The following MTUS2 variants were observed in gnomAD, a reference collection of about 807,000 sequenced individuals.
The protein encoded by MTUS2 is microtubule associated scaffold protein 2, also known as microtubule-associated tumor suppressor candidate 2.
In MTUS2, 40 loss-of-function variants were observed where a neutral mutation model predicts 114.1. The observed-to-expected ratio is 0.35, with a 90% CI of 0.27 to 0.46. The LOEUF is 0.46. Ranked by LOEUF, MTUS2 falls within the 20% of genes least tolerant of loss-of-function variation. The pLI, the probability that MTUS2 is intolerant of heterozygous loss-of-function variation, is 1.00. For synonymous variants in MTUS2, 688 were observed against 672.0 expected (o/e 1.02, Z -0.37); for missense variants, 1,679 against 1,705.4 (o/e 0.98, Z 0.27).
At chr13:29,411,024 G>A (rs1875193723) in intron 8 of MTUS2, among the ~76,000 whole-genome samples, 1 of 152,040 alleles carries the variant, frequency 6.6e-6, no homozygotes, top group Non-Finnish European at 1.5e-5. Context: ...TAGAGGTGGG[G>A]TTTCGCCATG....
chr13:29,422,572 TC>T (rs1441592940), intron 8 of MTUS2, among the ~76,000 whole-genome samples: 2 of 151,188 alleles, frequency 1.3e-5, no homozygotes, highest in African/African-American at 4.9e-5. Context: ...GGAGTAAAAA[TC>T]ACCGCAAACT....
chr13:29,376,059 GTA>G (rs762463451), intron 8 of MTUS2, among the ~76,000 whole-genome samples: 81 of 143,008 alleles, frequency 5.7e-4, no homozygotes, highest in East Asian at 2.8e-3. Flanking sequence ...GTGTGTGTGT[GTA>G]TATATATTTA....
chr13:29,414,902 A>C (rs542627644), intron 8 of MTUS2, among the ~76,000 whole-genome samples: 1 of 150,240 alleles, frequency 6.7e-6, no homozygotes, highest in South Asian at 2.1e-4. Context: ...ACTTTTTTAT[A>C]TTTTACTTAT....
intron 5 of MTUS2, among the ~76,000 whole-genome samples, chr13:29,126,052 A>G (rs1387063541): frequency 6.6e-6 from 1 of 151,958 alleles, no homozygotes; most frequent in African/African-American, 2.4e-5. Context: ...TTAACAGACT[A>G]TCTGGAGTAG....
intron 5 of MTUS2, among the ~76,000 whole-genome samples, chr13:29,238,911 C>A (rs1473092973): frequency 6.6e-6 from 1 of 152,126 alleles, no homozygotes; most frequent in Non-Finnish European, 1.5e-5. Flanking sequence ...AAGTCAAACT[C>A]ATGGAAGCAG....
intron 2 of MTUS2, among the ~76,000 whole-genome samples, chr13:28,904,998 T>C (rs991468404): frequency 4.0e-5 from 6 of 151,566 alleles, no homozygotes; most frequent in African/African-American, 1.2e-4. Context: ...TCGTAGGTAT[T>C]TTATTCTCTT....
At chr13:29,409,923 G>GA (rs1875097007) in intron 8 of MTUS2, among the ~76,000 whole-genome samples, 1 of 151,710 alleles carries the variant, frequency 6.6e-6, no homozygotes, top group Non-Finnish European at 1.5e-5. Flanking sequence ...ATGCTATAAT[G>GA]AATGACCTTG....
chr13:29,466,729 T>G (rs1350266308), intron 9 of MTUS2, among the ~76,000 whole-genome samples: 1 of 151,546 alleles, frequency 6.6e-6, no homozygotes, highest in African/African-American at 2.4e-5. Context: ...TACAAAAAAT[T>G]AGCCAGGTGT....
chr13:29,281,402 CATGT>C (rs931406993), intron 5 of MTUS2, among the ~76,000 whole-genome samples: 7 of 146,132 alleles, frequency 4.8e-5, no homozygotes, highest in Admixed American at 6.8e-5. Context: ...TGTGTGTGTG[CATGT>C]ATGTATGTAT....
intron 8 of MTUS2, among the ~76,000 whole-genome samples, chr13:29,420,006 C>G (rs890035305): frequency 3.9e-5 from 6 of 152,222 alleles, no homozygotes; most frequent in African/African-American, 1.4e-4. Context: ...TATCAGTGCT[C>G]TCTTTTCTAC....
intron 8 of MTUS2, among the ~76,000 whole-genome samples, chr13:29,359,997 A>G (rs535345413): frequency 6.6e-6 from 1 of 152,126 alleles, no homozygotes; most frequent in African/African-American, 2.4e-5. Flanking sequence ...TGTGCCCTCA[A>G]TTTTTCTGAA....
At chr13:29,110,595 A>G (rs1052445340) in intron 5 of MTUS2, among the ~76,000 whole-genome samples, 6 of 152,146 alleles carry the variant, frequency 3.9e-5, no homozygotes, top group African/African-American at 9.7e-5. Context: ...AATCTTCCCA[A>G]TTATTCCCAC....
intron 8 of MTUS2, among the ~76,000 whole-genome samples, chr13:29,385,811 A>G (rs545103262): frequency 6.6e-6 from 1 of 152,054 alleles, no homozygotes; most frequent in Non-Finnish European, 1.5e-5. Flanking sequence ...AAATGGAAGG[A>G]CTCCTACCCA....
intron 5 of MTUS2, among the ~76,000 whole-genome samples, chr13:29,122,992 T>C (rs1346189783): frequency 6.6e-6 from 1 of 152,246 alleles, no homozygotes; most frequent in East Asian, 1.9e-4. Context: ...TACCAGGTGC[T>C]AGAAAGTGTT....
At chr13:29,088,847 G>T (rs936389004) in intron 4 of MTUS2, among the ~76,000 whole-genome samples, 2 of 152,004 alleles carry the variant, frequency 1.3e-5, no homozygotes, top group Non-Finnish European at 2.9e-5. Context: ...TACTTTATGG[G>T]TGTCATTGCA....
chr13:29,492,627 T>C lies in MTUS2; in HGVS notation c.3506-19T>C, dbSNP rs1442740457. 1.2e-6 allele frequency: 2 copies of C among 1,603,852 alleles called. No individual in the cohort carries two copies. The highest frequency in any genetic ancestry group is 1.7e-5 in the Admixed American group (1 of 59,614). ...TTCAAAAGAAAGACCAACTTGACAA[T>C]TTAATGTCTTCTTTCCAGAATTGAT... is the stretch of plus-strand genomic sequence containing the variant. On this transcript the variant is annotated intron_variant, in intron 11 of 15. Transcript: ENST00000612955.
chr13:29,470,410 C>A (rs927173365), intron 9 of MTUS2, among the ~76,000 whole-genome samples: 1 of 152,184 alleles, frequency 6.6e-6, no homozygotes, highest in Admixed American at 6.5e-5. Context: ...TCCTGCACCT[C>A]CCTCATCCCA....
intron 6 of MTUS2, among the ~76,000 whole-genome samples, chr13:29,291,773 C>T (rs1051756260): frequency 1.2e-4 from 19 of 152,164 alleles, no homozygotes; most frequent in African/African-American, 4.3e-4. Flanking sequence ...AGGCCACACA[C>T]ATTGCCTAAA....
rs117226237 is a variant in MTUS2 at position 29,466,723 on chromosome 13, A to G, written c.3185-13427A>G. 2.0e-3 allele frequency among the ~76,000 whole-genome samples: 298 copies of G among 152,068 alleles called. 7 individuals carry two copies. The East Asian group carries it at 0.04, about 21-fold the overall frequency. ...GAAACCCCATCTCTACCAAACTACA[A>G]AAAATTAGCCAGGTGTGGTGGTGCG... On this transcript the variant is annotated intron_variant, in intron 9 of 15. Transcript: ENST00000612955.
Sources: gnomAD v4.1 joint callset for allele counts (sites outside exome capture counted in the v4.1 genomes callset) on GRCh38, gnomAD v4.1.1 for gene constraint, MANE v1.5 for transcripts, NCBI Gene and HGNC (gene_info 2026-07-23, HGNC 2026-07-21) for gene names.